CLCN3: variants seen among roughly 807,000 people sequenced by gnomAD.
CLCN3 encodes the protein Cl-/H+ antiporter 3.
CLCN3 carries 16 observed loss-of-function variants against 83.4 expected under a neutral mutation model. The observed-to-expected ratio is 0.19, with a 90% confidence interval of 0.13 to 0.29. The LOEUF (loss-of-function observed/expected upper bound fraction) is 0.29. CLCN3 is among the 10% of genes least tolerant of loss of function. The pLI, the probability that CLCN3 is intolerant of heterozygous loss-of-function variation, is 1.00. For missense variants in CLCN3, 544 were observed against 1,006.0 expected, an observed-to-expected ratio of 0.54 and a Z score of 6.21; for synonymous variants, 322 against 346.2, an observed-to-expected ratio of 0.93 and a Z score of 0.78.
chr4:169,626,481 A>G (rs1019862206), intron 1 of CLCN3, among the ~76,000 whole-genome samples: 6 of 152,228 alleles, frequency 3.9e-5, no homozygotes, highest in Non-Finnish European at 5.9e-5. Flanking sequence ...TGCCTGTCCA[A>G]CTTCTTCTGC....
chr4:169,710,137 T>G (rs1374987158), intron 11 of CLCN3, among the ~76,000 whole-genome samples: 2 of 152,230 alleles, frequency 1.3e-5, no homozygotes, highest in Non-Finnish European at 2.9e-5. Flanking sequence ...AAAAATTGTA[T>G]GTATGTTTAT....
chr4:169,625,451 A>G (rs553641750), intron 1 of CLCN3, among the ~76,000 whole-genome samples: 2 of 152,218 alleles, frequency 1.3e-5, no homozygotes, highest in East Asian at 1.9e-4. Context: ...ACCCATTTCC[A>G]TGGTTTTCCT....
chr4:169,713,712 G>T (rs1314009842), intron 12 of CLCN3, among the ~76,000 whole-genome samples: 1 of 152,060 alleles, frequency 6.6e-6, no homozygotes, highest in East Asian at 1.9e-4. Flanking sequence ...TAGATATTTT[G>T]CTATTTACTC....
At chr4:169,643,726 G>A (rs1198724693) in intron 2 of CLCN3, among the ~76,000 whole-genome samples, 3 of 152,180 alleles carry the variant, frequency 2.0e-5, no homozygotes, top group Admixed American at 1.3e-4. Flanking sequence ...TAGAGATGGG[G>A]TATCTCACTA....
At chr4:169,705,283 T>G (rs1732947016) in intron 10 of CLCN3, among the ~76,000 whole-genome samples, 1 of 152,168 alleles carries the variant, frequency 6.6e-6, no homozygotes, top group Admixed American at 6.5e-5. Flanking sequence ...TTTGAAGAAA[T>G]TGACTCTAGA....
intron 10 of CLCN3, among the ~76,000 whole-genome samples, chr4:169,706,446 A>G (rs1178153632): frequency 6.6e-6 from 1 of 152,184 alleles, no homozygotes; most frequent in African/African-American, 2.4e-5. Context: ...TTAATATTCT[A>G]CCCATATATG....
At chr4:169,711,425 G>A (rs1296463592) in intron 11 of CLCN3, among the ~76,000 whole-genome samples, 2 of 152,096 alleles carry the variant, frequency 1.3e-5, no homozygotes, top group South Asian at 2.1e-4. Flanking sequence ...GTGCAATGGC[G>A]CGGCCTCAGC....
At chr4:169,644,603 G>A (rs1339803540) in intron 2 of CLCN3, among the ~76,000 whole-genome samples, 2 of 152,166 alleles carry the variant, frequency 1.3e-5, no homozygotes, top group Non-Finnish European at 2.9e-5. Flanking sequence ...ATATCAAGCT[G>A]TCTTCCTCAC....
At chr4:169,712,984 T>C (rs1560875794) in intron 11 of CLCN3, 95 bp from the exon 12 acceptor site, 2 of 854,156 alleles carry the variant, frequency 2.3e-6, no homozygotes, top group South Asian at 1.6e-5. Flanking sequence ...TCAGAAGTCA[T>C]AGGATACATT....
At chr4:169,711,867 A>T (rs999834435) in intron 11 of CLCN3, among the ~76,000 whole-genome samples, 1 of 151,490 alleles carries the variant, frequency 6.6e-6, no homozygotes, top group Non-Finnish European at 1.5e-5. Flanking sequence ...CAAAAAATAT[A>T]TTTTTTTTTC....
rs1773491290 is a variant in CLCN3 at position 169,635,979 on chromosome 4, C to G, written c.51C>G (p.Asn17Lys). ...GAGGCTACTATAGAAACAGCTACAA[C>G]AGTATAACAAGTGCAAGTAGTGATG... ...FHRGYYRNSYNSITSASSDEE... is the reference protein window; with the variant it reads ...FHRGYYRNSYKSITSASSDEE... Residue 17 changes from asparagine (N) to lysine (K), a missense_variant, in exon 2 of 13, where the codon AAC becomes AAG. Asn to Lys is a moderately conservative substitution (Grantham distance 94). This residue lies in a region of CLCN3 where 77 missense variants were observed against 92.8 expected (regional missense o/e 0.83). Transcript: ENST00000513761. The G allele has an allele frequency of 2.5e-6, 4 of 1,612,870 alleles. No homozygotes were observed. In the South Asian group the frequency reaches 4.4e-5, roughly 18 times the overall value.
At chr4:169,719,384 G>C (rs1196619717) in intron 12 of CLCN3, among the ~76,000 whole-genome samples, 1 of 152,122 alleles carries the variant, frequency 6.6e-6, no homozygotes, top group Non-Finnish European at 1.5e-5. Context: ...TTGAACCGGG[G>C]ACCCAGGAGG....
chr4:169,676,076 G>T (rs1014067150), intron 2 of CLCN3, among the ~76,000 whole-genome samples: 13 of 152,084 alleles, frequency 8.5e-5, no homozygotes, highest in African/African-American at 2.7e-4. Context: ...CTCATGTTTG[G>T]TCATACTGTT....
chr4:169,690,676 C>T (rs1457225574), intron 6 of CLCN3, 24 bp downstream of exon 6: 1 of 1,592,192 alleles, frequency 6.3e-7, no homozygotes, highest in Non-Finnish European at 8.6e-7. Flanking sequence ...TATTTAGTGT[C>T]ATTAAACATT....
chr4:169,687,594 G>C, intron 3 of CLCN3, 64 bp from the exon 4 acceptor site: 2 of 1,071,156 alleles, frequency 1.9e-6, no homozygotes, highest in Non-Finnish European at 2.8e-6. Flanking sequence ...AAAATTGCTA[G>C]ATTCTAGAAC....
Position 169,692,058 on chromosome 4 carries a change from G to A in CLCN3, c.730-56G>A, listed in dbSNP as rs1030929059. On this transcript the variant is annotated intron_variant, in intron 6 of 12. Coordinates refer to ENST00000513761, the MANE Select transcript of CLCN3 (RefSeq NM_001829.4). ...TAAAACAAGAAAATAACTTGGATTC[G>A]TTACATTCTCATGTTTCTTAAAGGA... The A allele has an allele frequency of 2.6e-5, 29 of 1,104,112 alleles. No individual in the cohort carries two copies. The African/African-American group carries it at 3.0e-4, about 11-fold the overall frequency. 68.4% of individuals were successfully genotyped at this position (1,104,112 alleles called of 1,614,324 possible).
At chr4:169,703,776 A>AT in intron 9 of CLCN3, among the ~76,000 whole-genome samples, 1 of 151,316 alleles carries the variant, frequency 6.6e-6, no homozygotes, top group South Asian at 2.1e-4. Flanking sequence ...TAACCCTTGA[A>AT]TTTTTTTCTG....
intron 1 of CLCN3, among the ~76,000 whole-genome samples, chr4:169,627,780 AAT>A (rs1773270680): frequency 6.6e-6 from 1 of 152,190 alleles, no homozygotes; most frequent in African/African-American, 2.4e-5. Flanking sequence ...TTATTCATAC[AAT>A]ATAATTAACC....
At chr4:169,714,413 A>T (rs1263186312) in intron 12 of CLCN3, among the ~76,000 whole-genome samples, 1 of 152,152 alleles carries the variant, frequency 6.6e-6, no homozygotes, top group Non-Finnish European at 1.5e-5. Context: ...ATATTTTCTC[A>T]TTTAACTTTG....
Sources: allele counts gnomAD v4.1 joint callset (sites outside exome capture counted in the v4.1 genomes callset), GRCh38; gene constraint gnomAD v4.1.1; regional missense constraint gnomAD v4.1.1; transcripts MANE v1.5; gene names NCBI Gene and HGNC (gene_info 2026-07-23, HGNC 2026-07-21).